Variants in TENM2 observed in about 807,000 individuals in gnomAD.
TENM2 encodes the protein teneurin transmembrane protein 2, also known as teneurin-2.
Under a neutral mutation model 245.2 loss-of-function variants are expected in TENM2, and 52 were observed. The ratio of observed to expected loss-of-function variants is 0.21; its 90% CI spans 0.17 to 0.27. The LOEUF is 0.27. TENM2 is among the 10% of genes least tolerant of loss of function. The probability of loss-of-function intolerance (pLI) is 1.00; values close to 1 mark genes in which losing one functional copy is unlikely to be tolerated. For synonymous variants in TENM2, 1,363 were observed against 1,438.9 expected (o/e 0.95, Z 1.19); for missense variants, 3,046 against 3,666.8 (o/e 0.83, Z 4.37).
In TENM2 at chr5:167,436,960, G is replaced by A. The variant is rs184311306; in HGVS notation, c.502+61487G>A. 2.8e-4 allele frequency among the ~76,000 whole-genome samples: 42 copies of A among 152,300 alleles called. No homozygotes were observed. In the East Asian group the frequency reaches 7.5e-3, roughly 27 times the overall value. On this transcript the variant is annotated intron_variant, in intron 2 of 28. Coordinates refer to ENST00000518659, the Ensembl canonical transcript of TENM2. ...GTTTGCTGCAGGGGCGAGCCCTCAC[G>A]GAGAACCTCTGCTAGGGCAGTGTAG...
intron 2 of TENM2, among the ~76,000 whole-genome samples, chr5:167,738,615 T>G (rs920749986): frequency 3.9e-5 from 6 of 152,102 alleles, no homozygotes; most frequent in African/African-American, 1.4e-4. Context: ...CATAAGAAAA[T>G]TCCACAAGCT....
At chr5:167,268,893 G>GATAGATAGATAGATAC in the TENM2 span, among the ~76,000 whole-genome samples, 236 of 149,872 alleles carry the variant, frequency 1.6e-3, 1 homozygote, top group African/African-American at 5.6e-3. Flanking sequence ...TAGATAGATA[G>GATAGATAGATAGATAC]ATAGATAGAT....
intron 12 of TENM2, among the ~76,000 whole-genome samples, chr5:168,127,904 T>C (rs1187253135): frequency 6.6e-6 from 1 of 152,184 alleles, no homozygotes; most frequent in Non-Finnish European, 1.5e-5. Context: ...TTACCTTTGA[T>C]CCCAGCCATC....
intron 12 of TENM2, among the ~76,000 whole-genome samples, chr5:168,148,901 A>AGATG: frequency 7.4e-6 from 1 of 135,960 alleles, no homozygotes; most frequent in South Asian, 2.3e-4. Context: ...ATAGATAGAT[A>AGATG]GATAGATAGA....
At chr5:167,418,261 G>A (rs1344805182) in intron 2 of TENM2, among the ~76,000 whole-genome samples, 2 of 151,864 alleles carry the variant, frequency 1.3e-5, no homozygotes, top group Admixed American at 6.6e-5. Context: ...CCCCGGAGGT[G>A]GAGGTTGAGG....
chr5:168,218,574 C>T lies in TENM2; in HGVS notation c.4683C>T (p.Asp1561=), dbSNP rs1284481094. The T allele has an allele frequency of 1.2e-6, 2 of 1,613,950 alleles. No homozygotes were observed. Among genetic ancestry groups the T allele is most frequent in the Non-Finnish European group, 1.7e-6 (2 of 1,179,884 alleles). The change falls in exon 23 of 29, where the codon GAC becomes GAT. Residue 1561 remains aspartate, a synonymous_variant. Coordinates refer to ENST00000518659, the Ensembl canonical transcript of TENM2. This position sits in a 1 kb window ranked among gnomAD's most constrained non-coding sequence, Gnocchi z 5.2. ...CAGATGGTACCATTTACATTGCAGA[C>T]CTTGGAAATATTCGGATCAGGGCGG...
intron 2 of TENM2, among the ~76,000 whole-genome samples, chr5:167,443,716 G>A (rs1348742707): frequency 3.9e-5 from 6 of 152,052 alleles, no homozygotes; most frequent in African/African-American, 1.4e-4. Context: ...AATATGTTTT[G>A]CCTCACAGTA....
intron 2 of TENM2, among the ~76,000 whole-genome samples, chr5:167,854,149 A>T (rs79623681): frequency 6.6e-6 from 1 of 152,232 alleles, no homozygotes; most frequent in African/African-American, 2.4e-5. Context: ...AAGATGCTGT[A>T]TTAATATTTC....
chr5:167,920,501 A>C (rs1777283781), intron 3 of TENM2, among the ~76,000 whole-genome samples: 1 of 144,196 alleles, frequency 6.9e-6, no homozygotes, highest in Non-Finnish European at 1.5e-5. Flanking sequence ...CTGGGCAACA[A>C]GAGCGAAACT....
At chr5:167,751,372 T>C (rs959734270) in intron 2 of TENM2, among the ~76,000 whole-genome samples, 1 of 152,166 alleles carries the variant, frequency 6.6e-6, no homozygotes, top group African/African-American at 2.4e-5. Context: ...AGAGGACCGA[T>C]AGGAGGTTGT....
chr5:168,234,033 T>C (rs949211830), intron 25 of TENM2, among the ~76,000 whole-genome samples: 6 of 151,940 alleles, frequency 3.9e-5, no homozygotes, highest in African/African-American at 1.2e-4. Flanking sequence ...CCAAACCATA[T>C]CAGATGGACG....
chr5:167,727,170 C>T (rs1051005331), intron 2 of TENM2, among the ~76,000 whole-genome samples: 12 of 128,724 alleles, frequency 9.3e-5, no homozygotes, highest in African/African-American at 1.2e-4. Context: ...AGTGCAGTGG[C>T]GTGATCTTGG....
intron 2 of TENM2, among the ~76,000 whole-genome samples, chr5:167,445,363 A>AGAGAGAGG (rs1561961822): frequency 3.6e-5 from 5 of 139,744 alleles, no homozygotes; most frequent in African/African-American, 1.3e-4. Flanking sequence ...AGAGAGAGAG[A>AGAGAGAGG]GAGAGAGTGT....
At chr5:167,085,211 A>C in the TENM2 span, among the ~76,000 whole-genome samples, 2 of 152,186 alleles carry the variant, frequency 1.3e-5, no homozygotes, top group Non-Finnish European at 2.9e-5. Context: ...TGAGCTCAAA[A>C]TCAAAGGGGA....
intron 2 of TENM2, among the ~76,000 whole-genome samples, chr5:167,537,524 A>G (rs542154226): frequency 1.3e-5 from 2 of 152,364 alleles, no homozygotes; most frequent in Non-Finnish European, 1.5e-5. Flanking sequence ...GACTAAAAGC[A>G]GAGAAACAAG....
At chr5:167,535,774 T>A (rs1344550946) in intron 2 of TENM2, among the ~76,000 whole-genome samples, 1 of 152,214 alleles carries the variant, frequency 6.6e-6, no homozygotes, top group African/African-American at 2.4e-5. Flanking sequence ...CTATGAGAAA[T>A]AAGTTTCTAT....
intron 13 of TENM2, among the ~76,000 whole-genome samples, chr5:168,164,239 G>C (rs1162877212): frequency 5.3e-5 from 8 of 152,168 alleles, no homozygotes; most frequent in Admixed American, 5.2e-4. Context: ...CTCTCTTTGT[G>C]ATTATTGTCT....
intron 2 of TENM2, among the ~76,000 whole-genome samples, chr5:167,387,621 T>A (rs2127353591): frequency 6.6e-6 from 1 of 152,272 alleles, no homozygotes; most frequent in African/African-American, 2.4e-5. Flanking sequence ...TGCTTTCAAC[T>A]TTTCCCCATT....
intron 12 of TENM2, among the ~76,000 whole-genome samples, chr5:168,139,327 A>G (rs1344658056): frequency 6.6e-6 from 1 of 152,174 alleles, no homozygotes; most frequent in African/African-American, 2.4e-5. Flanking sequence ...ATATGGCACA[A>G]CTTGTTCTGT....
Sources: allele counts gnomAD v4.1 joint callset (sites outside exome capture counted in the v4.1 genomes callset), GRCh38; gene constraint gnomAD v4.1.1; non-coding constraint Gnocchi (gnomAD v3.1); transcripts MANE v1.5; gene names NCBI Gene and HGNC (gene_info 2026-07-23, HGNC 2026-07-21).